The following CHD3 variants were observed in gnomAD, a reference collection of about 807,000 sequenced individuals.
CHD3 encodes chromodomain helicase DNA binding protein 3.
Under a neutral mutation model 248.9 loss-of-function variants are expected in CHD3, and 52 were observed. The observed-to-expected ratio is 0.21, with a 90% CI of 0.17 to 0.26. CHD3 has a LOEUF of 0.26. CHD3 is among the 10% of genes least tolerant of loss of function. The pLI is 1.00. For missense variants in CHD3, 1,482 were observed against 2,605.8 expected, an observed-to-expected ratio of 0.57 and a Z score of 9.39; for synonymous variants, 985 against 985.2, an observed-to-expected ratio of 1.00 and a Z score of 0.00.
upstream of CHD3, chr17:7,885,307 C>CCG (rs1967659125): frequency 3.8e-5 from 6 of 157,572 alleles, no homozygotes; most frequent in East Asian, 4.9e-4. Flanking sequence ...GCACCCCTCC[C>CCG]CCGCCGCCGC....
chr17:7,895,658 C>T lies in CHD3; in HGVS notation c.1707+116C>T. 1 of 933,974 alleles carries T rather than the reference C, an allele frequency of 1.1e-6. No individual in the cohort carries two copies. The highest frequency in any genetic ancestry group is 2.4e-5 in the Admixed American group (1 of 42,442). 57.9% of individuals were successfully genotyped at this position (933,974 alleles called of 1,614,324 possible). A position where few individuals can be genotyped will look rare whatever the true frequency, so the allele number is the denominator to read the frequency against. On this transcript the variant is annotated intron_variant, in intron 10 of 39. Transcript: ENST00000330494. This position sits in a 1 kb window ranked among gnomAD's most constrained non-coding sequence, Gnocchi z 4.9. Reference sequence around the variant, plus strand: ...CTCTTTGTTTTCTCTCATTTCAGGCCTGTGGCCTTCATACCCTACTTGCTT... The same window carrying T: ...CTCTTTGTTTTCTCTCATTTCAGGCTTGTGGCCTTCATACCCTACTTGCTT...
At position 7,905,013 on chromosome 17, in the gene CHD3, G is replaced by A. The variant is rs1193886656; in HGVS notation, c.4073-87G>A. 8.2e-7 allele frequency: 1 copy of A among 1,225,330 alleles called. No homozygotes were observed. The highest frequency in any genetic ancestry group is 1.5e-5 in the African/African-American group (1 of 67,156). 75.9% of individuals were successfully genotyped at this position (1,225,330 alleles called of 1,614,324 possible). On this transcript the variant is annotated intron_variant, in intron 25 of 39. Coordinates refer to ENST00000330494, the MANE Select transcript of CHD3 (RefSeq NM_001005273.3). The surrounding 1 kb of genome is among the most constrained non-coding windows in gnomAD (Gnocchi z 5.8). ...CCAGAATAAAGGTAGACAAGTCTCG[G>A]CAGGGAGGAATCCAGCCAGAAAGGG...
rs776341186 is a variant in CHD3 at position 7,895,584 on chromosome 17, TC to T, written c.1707+44del. The T allele has an allele frequency of 1.3e-6, 2 of 1,526,246 alleles. No homozygotes were observed. The highest frequency in any genetic ancestry group is 2.3e-5 in the South Asian group (2 of 88,470). 94.5% of individuals were successfully genotyped at this position (1,526,246 alleles called of 1,614,324 possible). On this transcript the variant is annotated intron_variant, in intron 10 of 39. Transcript: ENST00000330494. This position sits in a 1 kb window ranked among gnomAD's most constrained non-coding sequence, Gnocchi z 4.9. ...TTTCCCTCTCCCCCATGACCTCATT[TC>T]CTGCCATCCTCTCCCTCTCTTACTC... is the stretch of plus-strand genomic sequence containing the variant.
rs1272566774 is a variant in CHD3, at chr17:7,898,974, C to T, written c.2152-37C>T. On this transcript the variant is annotated intron_variant, in intron 13 of 39. Transcript: ENST00000330494. ...AGACTAAGACTGGAGGAGCCGCCGA[C>T]TATTTCCTTGAGCTTTCTGACTTCT... 1.9e-6 allele frequency: 3 copies of T among 1,588,870 alleles called. No homozygotes were observed. In the African/African-American group the frequency reaches 4.0e-5, roughly 21 times the overall value.
Position 7,901,226 on chromosome 17 carries a change from T to C in CHD3, c.3121-18T>C. The C allele has an allele frequency of 6.3e-7, 1 of 1,584,318 alleles. No homozygotes were observed. The highest frequency in any genetic ancestry group is 1.1e-5 in the South Asian group (1 of 88,586). ...TTTCCAACTGACCCCCTCCTCCTCC[T>C]CTCTCCTCCCTTTTCAGGAGTCCCC... On this transcript the variant is annotated intron_variant, in intron 19 of 39. Transcript: ENST00000330494.
At chr17:7,894,684 C>A in intron 8 of CHD3, 76 bp downstream of exon 8, 2 of 1,484,794 alleles carry the variant, frequency 1.3e-6, no homozygotes, top group South Asian at 1.3e-5. Context: ...CACTTACCCT[C>A]TTCCTGCCCC....
At chr17:7,894,737 G>T (rs749869917) in intron 8 of CHD3, 129 bp downstream of exon 8, 48 of 1,335,902 alleles carry the variant, frequency 3.6e-5, no homozygotes, top group Non-Finnish European at 5.0e-5. Flanking sequence ...GAGTGTCTAG[G>T]ATCCTAATGT....
At chr17:7,898,674 C>G in intron 13 of CHD3, 79 bp downstream of exon 13, 1 of 1,052,484 alleles carries the variant, frequency 9.5e-7, no homozygotes, top group Non-Finnish European at 1.4e-6. Context: ...GATGGAACTT[C>G]CCAGAGATTC....
At chr17:7,890,538 T>C (rs772883875) in intron 2 of CHD3, 33 bp from the exon 3 acceptor site, 1 of 1,433,578 alleles carries the variant, frequency 7.0e-7, no homozygotes, top group Non-Finnish European at 9.4e-7. Flanking sequence ...ATGGTAGGGA[T>C]GAATAAATGT....
At chr17:7,894,741 CTAATGTA>C in intron 8 of CHD3, 133 bp downstream of exon 8, 2 of 1,332,230 alleles carry the variant, frequency 1.5e-6, no homozygotes, top group South Asian at 2.8e-5. Flanking sequence ...GTCTAGGATC[CTAATGTA>C]TTCCTTTCTC....
In CHD3 at chr17:7,895,713, A is replaced by C. The variant is rs1361140641; in HGVS notation, c.1707+171A>C. 5 of 621,112 alleles carry C rather than the reference A, an allele frequency of 8.1e-6. No individual in the cohort carries two copies. Among genetic ancestry groups the C allele is most frequent in the South Asian group, 2.0e-5 (1 of 49,142 alleles). 38.5% of individuals were successfully genotyped at this position (621,112 alleles called of 1,614,324 possible). On this transcript the variant is annotated intron_variant, in intron 10 of 39. Coordinates refer to ENST00000330494, the MANE Select transcript of CHD3 (RefSeq NM_001005273.3). The surrounding 1 kb of genome is among the most constrained non-coding windows in gnomAD (Gnocchi z 4.9). ...TCCATATGTGGTTCTTTTGGTCTAC[A>C]GTCCTCTTTCTCTCAGTCTCCGTTA...
rs80199415 is a variant in CHD3, at chr17:7,908,004, G to A, written c.5137G>A (p.Asp1713Asn). 1 of 1,604,836 alleles carries A rather than the reference G, an allele frequency of 6.2e-7. No homozygotes were observed. The highest frequency in any genetic ancestry group is 8.5e-7 in the Non-Finnish European group (1 of 1,172,786). The change falls in exon 34 of 40, where the codon GAT becomes AAT. Residue 1713 changes from aspartate (D) to asparagine (N), a missense_variant. Physicochemically the swap from Asp to Asn is conservative, Grantham distance 23 (BLOSUM62 1). This residue lies in a region of CHD3 where 36 missense variants were observed against 70.4 expected (regional missense o/e 0.51). Transcript: ENST00000330494. The surrounding 1 kb of genome is among the most constrained non-coding windows in gnomAD (Gnocchi z 5.8). Reference protein sequence around the residue: ...EKPRFMFNIADGGFTELHTLW... With the variant: ...EKPRFMFNIANGGFTELHTLW... Reference sequence around the variant, plus strand: ...GCCCCGGTTCATGTTCAATATCGCCGATGGTGGCTTCACAGGTTGGGGAGA... The same window carrying A: ...GCCCCGGTTCATGTTCAATATCGCCAATGGTGGCTTCACAGGTTGGGGAGA...
At position 7,907,911 on chromosome 17, in the gene CHD3, C is replaced by A. The variant is rs759179869; in HGVS notation, c.5044C>A (p.Arg1682=). Residue 1682 remains arginine (R), a synonymous_variant, in exon 34 of 40, where the codon CGG becomes AGG. Transcript: ENST00000330494. The surrounding 1 kb of genome is among the most constrained non-coding windows in gnomAD (Gnocchi z 4.3). ...LGKREDVKGD[R]ELRPGPRDEP... is the part of the protein sequence containing the mutation. ...CCTAGCAGAAGATGTAAAAGGTGAC[C>A]GGGAGCTTCGACCAGGGCCTCGAGA... 4 of 1,612,018 alleles carry A rather than the reference C, an allele frequency of 2.5e-6. No individual in the cohort carries two copies. Among genetic ancestry groups the A allele is most frequent in the Non-Finnish European group, 2.5e-6 (3 of 1,178,812 alleles).
rs1340040540 is a variant in CHD3 at position 7,907,926 on chromosome 17, G to A, written c.5059G>A (p.Gly1687Arg). The A allele has an allele frequency of 6.2e-7, 1 of 1,612,780 alleles. No individual in the cohort carries two copies. Among genetic ancestry groups the A allele is most frequent in the Non-Finnish European group, 8.5e-7 (1 of 1,179,008 alleles). ...AAAAGGTGACCGGGAGCTTCGACCA[G>A]GGCCTCGAGATGAGCCACGGTCCAA... ...DVKGDRELRP[G>R]PRDEPRSNGR... is the part of the protein sequence containing the mutation. The change falls in exon 34 of 40, where the codon GGG becomes AGG. Residue 1687 changes from glycine to arginine, a missense_variant. Around this residue, in one of 20 missense-constraint regions of CHD3, gnomAD observed 254 missense variants for 266.7 expected, o/e 0.95. Coordinates refer to ENST00000330494, the MANE Select transcript of CHD3 (RefSeq NM_001005273.3). The surrounding 1 kb of genome is among the most constrained non-coding windows in gnomAD (Gnocchi z 4.3).
At chr17:7,892,670 T>C (rs1190449839) in intron 4 of CHD3, among the ~76,000 whole-genome samples, 1 of 152,148 alleles carries the variant, frequency 6.6e-6, no homozygotes, top group African/African-American at 2.4e-5. Context: ...CTAATTTTTG[T>C]ATTTTTAGTA....
At position 7,907,591 on chromosome 17, in the gene CHD3, C is replaced by G. The variant is rs368591051; in HGVS notation, c.4925-10C>G. 6.6e-5 allele frequency: 100 copies of G among 1,509,402 alleles called. No homozygotes were observed. The African/African-American group carries it at 1.1e-3, about 17-fold the overall frequency. The allele number at this position is 1,509,402 out of a possible 1,614,324, so 93.5% of individuals were successfully genotyped here. A position where few individuals can be genotyped will look rare whatever the true frequency, so the allele number is the denominator to read the frequency against. On this transcript the variant is annotated splice_polypyrimidine_tract_variant and intron_variant, in intron 32 of 39. Coordinates refer to ENST00000330494, the MANE Select transcript of CHD3 (RefSeq NM_001005273.3). This position sits in a 1 kb window ranked among gnomAD's most constrained non-coding sequence, Gnocchi z 4.3. ...CATCCTCCCTTCCTATCCCCTACCC[C>G]CTCCCACAGCCACAGAGTCGACGCC...
rs774249468 is a variant in CHD3 at position 7,906,784 on chromosome 17, C to T, written c.4504-85C>T. The T allele has an allele frequency of 3.0e-5, 47 of 1,589,180 alleles. No individual in the cohort carries two copies. In the Middle Eastern group the frequency reaches 8.4e-4, roughly 28 times the overall value. The stretch of plus-strand genomic sequence containing the variant: ...CCTCTGTCCCTGAGTTGTAAGCTTG[C>T]GCTGGTGTGAGACGGAGGAGACTGG... On this transcript the variant is annotated intron_variant, in intron 29 of 39. Transcript: ENST00000330494. The surrounding 1 kb of genome is among the most constrained non-coding windows in gnomAD (Gnocchi z 5.0).
chr17:7,894,809 A>G (rs1188617024), intron 8 of CHD3, 108 bp from the exon 9 acceptor site: 1 of 1,519,144 alleles, frequency 6.6e-7, no homozygotes, highest in Non-Finnish European at 8.9e-7. Context: ...AGTTCCCACC[A>G]GTCTTCTCTG....
In CHD3 at chr17:7,909,905, C is replaced by G. The variant is rs1413299693; in HGVS notation, c.5591-523C>G. The G allele has an allele frequency of 1.0e-5, 2 of 193,984 alleles. No homozygotes were observed. Among genetic ancestry groups the G allele is most frequent in the Non-Finnish European group, 2.1e-5 (2 of 93,822 alleles). 12.0% of individuals were successfully genotyped at this position (193,984 alleles called of 1,614,324 possible). On this transcript the variant is annotated intron_variant, in intron 37 of 39. Transcript: ENST00000330494. The surrounding 1 kb of genome is among the most constrained non-coding windows in gnomAD (Gnocchi z 8.1). ...CATCTAATCCTGCCTGGTGTAGTCACTGACTCCTGGCCCCTTTGATCCCTG... is the reference window on the plus strand; with the variant it reads ...CATCTAATCCTGCCTGGTGTAGTCAGTGACTCCTGGCCCCTTTGATCCCTG...
Sources: gnomAD v4.1 joint callset for allele counts (sites outside exome capture counted in the v4.1 genomes callset) on GRCh38, gnomAD v4.1.1 for gene constraint, gnomAD v4.1.1 regional missense constraint, Gnocchi (gnomAD v3.1) non-coding constraint, MANE v1.5 for transcripts, NCBI Gene and HGNC (gene_info 2026-07-23, HGNC 2026-07-21) for gene names.